The following DIAPH2 variants were observed in gnomAD, a reference collection of about 807,000 sequenced individuals.
The protein encoded by DIAPH2 is protein diaphanous homolog 2.
DIAPH2 carries 35 observed loss-of-function variants against 92.7 expected under a neutral mutation model. The ratio of observed to expected loss-of-function variants is 0.38; its 90% CI spans 0.29 to 0.50. The LOEUF (loss-of-function observed/expected upper bound fraction) is 0.50, where lower values mean the gene tolerates loss of function less well. Among genes scored for constraint, DIAPH2 ranks in the 20% least tolerant of loss-of-function variants. DIAPH2 has a pLI of 0.94. For synonymous variants in DIAPH2, 301 were observed against 280.4 expected, an observed-to-expected ratio of 1.07 and a Z score of -0.73; for missense variants, 701 against 819.5, an observed-to-expected ratio of 0.86 and a Z score of 1.77.
chrX:97,507,194 A>AT (rs35219826), intron 26 of DIAPH2, among the ~76,000 whole-genome samples: 1 of 100,479 alleles, frequency 1.0e-5, no homozygotes, highest in Non-Finnish European at 2.0e-5. Context: ...CATAAATTCT[A>AT]TTTTTTTACA....
chrX:97,438,392 G>T (rs1289980430), intron 26 of DIAPH2, among the ~76,000 whole-genome samples: 2 of 84,334 alleles, frequency 2.4e-5, no homozygotes, highest in Non-Finnish European at 4.5e-5. Flanking sequence ...TTGAGACAGG[G>T]TCTGACTCTG....
chrX:97,375,500 G>A (rs2069491920), intron 24 of DIAPH2, among the ~76,000 whole-genome samples: 1 of 111,359 alleles, frequency 9.0e-6, no homozygotes, highest in Non-Finnish European at 1.9e-5. Flanking sequence ...GTCAGTAGTA[G>A]CCAAAACAAT....
intron 23 of DIAPH2, among the ~76,000 whole-genome samples, chrX:97,324,010 G>T (rs1363018087): frequency 3.6e-5 from 4 of 110,194 alleles, no homozygotes; most frequent in African/African-American, 1.3e-4. Context: ...TCTTATTTGT[G>T]TACTCAGTAT....
chrX:96,750,283 C>G (rs1260858637), intron 3 of DIAPH2, among the ~76,000 whole-genome samples: 1 of 110,824 alleles, frequency 9.0e-6, no homozygotes, highest in East Asian at 2.8e-4. Flanking sequence ...CCGCCTTGGC[C>G]TCCCAAAGTG....
intron 4 of DIAPH2, among the ~76,000 whole-genome samples, chrX:96,827,563 A>T (rs891561962): frequency 7.1e-5 from 8 of 112,017 alleles, no homozygotes; most frequent in Non-Finnish European, 1.3e-4. Context: ...GACAAACCTT[A>T]CTTAGACCAA....
chrX:97,378,459 A>T (rs2069522563), intron 24 of DIAPH2, among the ~76,000 whole-genome samples: 1 of 110,790 alleles, frequency 9.0e-6, no homozygotes, highest in Non-Finnish European at 1.9e-5. Flanking sequence ...AGGCAGGAGG[A>T]TCACTTGACT....
chrX:96,835,857 A>G (rs2064882790), intron 4 of DIAPH2, among the ~76,000 whole-genome samples: 1 of 110,813 alleles, frequency 9.0e-6, no homozygotes, highest in African/African-American at 3.3e-5. Flanking sequence ...CCAGTTGCCC[A>G]GACTGGAGTG....
chrX:97,306,636 C>T, intron 23 of DIAPH2, among the ~76,000 whole-genome samples: 1 of 111,657 alleles, frequency 9.0e-6, no homozygotes, highest in Middle Eastern at 4.7e-3. Context: ...TTATCATTTT[C>T]CTTCTTCTCC....
chrX:97,050,243 A>G (rs1411846484), intron 17 of DIAPH2, among the ~76,000 whole-genome samples: 1 of 110,825 alleles, frequency 9.0e-6, no homozygotes, highest in Non-Finnish European at 1.9e-5. Flanking sequence ...TCCCCCCTTT[A>G]TCATGACAGT....
At chrX:97,505,645 A>C (rs2147832429) in intron 26 of DIAPH2, among the ~76,000 whole-genome samples, 1 of 108,691 alleles carries the variant, frequency 9.2e-6, no homozygotes, top group South Asian at 4.0e-4. Context: ...CAAATGAGGT[A>C]GGGCTTTTTT....
chrX:97,598,300 G>C (rs2071568054), intron 26 of DIAPH2, among the ~76,000 whole-genome samples: 1 of 112,012 alleles, frequency 8.9e-6, no homozygotes, highest in South Asian at 3.7e-4. Context: ...CTAAAGCAGA[G>C]ATAATAGGAT....
rs550987483 is a variant in DIAPH2 at position 97,268,411 on chromosome X, G to C, written c.2844+20572G>C. 4.4e-5 allele frequency among the ~76,000 whole-genome samples: 5 copies of C among 112,411 alleles called. No homozygotes were observed. In the South Asian group the frequency reaches 1.9e-3, roughly 42 times the overall value. ...TTTTTCCAAGTCCTGTCCTGAAGAA[G>C]ACTTGTGTCATCACACATCATTTCA... On this transcript the variant is annotated intron_variant, in intron 23 of 26. Transcript: ENST00000324765.
chrX:96,839,591 C>T (rs1237137143), intron 4 of DIAPH2, among the ~76,000 whole-genome samples: 6 of 111,268 alleles, frequency 5.4e-5, no homozygotes. Flanking sequence ...AATTAAATAC[C>T]TAATTTTTGT....
intron 4 of DIAPH2, among the ~76,000 whole-genome samples, chrX:96,851,861 C>T (rs746968465): frequency 2.7e-5 from 3 of 111,980 alleles, no homozygotes; most frequent in Non-Finnish European, 5.6e-5. Context: ...TAATTCATGC[C>T]AAACAGTTGT....
At chrX:97,319,682 G>A (rs917478397) in intron 23 of DIAPH2, among the ~76,000 whole-genome samples, 5 of 110,597 alleles carry the variant, frequency 4.5e-5, no homozygotes, top group East Asian at 2.9e-4. Context: ...CACCACGCCC[G>A]GCCAAAATTC....
At chrX:96,952,331 G>A (rs769656300) in intron 15 of DIAPH2, among the ~76,000 whole-genome samples, 94 of 111,443 alleles carry the variant, frequency 8.4e-4, no homozygotes, top group Non-Finnish European at 1.4e-3. Context: ...TGAATATTAT[G>A]GGTAACCTTT....
intron 23 of DIAPH2, among the ~76,000 whole-genome samples, chrX:97,328,742 TATTA>T (rs1165463771): frequency 3.6e-5 from 4 of 111,742 alleles, no homozygotes; most frequent in African/African-American, 6.5e-5. Context: ...ATAAATAATT[TATTA>T]ATTTCATTCA....
intron 1 of DIAPH2, among the ~76,000 whole-genome samples, chrX:96,715,538 C>T (rs953804112): frequency 4.5e-5 from 5 of 111,676 alleles, no homozygotes; most frequent in African/African-American, 1.6e-4. Context: ...TATGCTTTCC[C>T]GTGGCAGTAT....
At chrX:97,479,974 A>T (rs906370506) in intron 26 of DIAPH2, among the ~76,000 whole-genome samples, 5 of 111,961 alleles carry the variant, frequency 4.5e-5, no homozygotes, top group African/African-American at 1.6e-4. Flanking sequence ...AATCATTGGG[A>T]TGGAATTAAG....
Sources: allele counts gnomAD v4.1 joint callset (sites outside exome capture counted in the v4.1 genomes callset), GRCh38; gene constraint gnomAD v4.1.1; transcripts MANE v1.5; gene names NCBI Gene and HGNC (gene_info 2026-07-23, HGNC 2026-07-21).